The following KCNIP4 variants were observed in gnomAD, a reference collection of about 807,000 sequenced individuals.
KCNIP4 encodes potassium voltage-gated channel interacting protein 4.
A neutral mutation model predicts 34.0 loss-of-function variants in KCNIP4; 12 were observed. The ratio of observed to expected loss-of-function variants is 0.35; its 90% confidence interval spans 0.23 to 0.57. The LOEUF (loss-of-function observed/expected upper bound fraction) is 0.57. KCNIP4 is among the 20% of genes least tolerant of loss of function. KCNIP4 has a pLI of 0.83. For synonymous variants in KCNIP4, 124 were observed against 102.2 expected, an observed-to-expected ratio of 1.21 and a Z score of -1.29; for missense variants, 238 against 311.7, an observed-to-expected ratio of 0.76 and a Z score of 1.78.
At chr4:21,422,101 C>T (rs190507924) in intron 1 of KCNIP4, among the ~76,000 whole-genome samples, 78 of 152,072 alleles carry the variant, frequency 5.1e-4, no homozygotes, top group African/African-American at 1.8e-3. Flanking sequence ...TTCATAAACA[C>T]TAACTTGAAG....
intron 1 of KCNIP4, among the ~76,000 whole-genome samples, chr4:21,760,968 T>G (rs1718009528): frequency 6.6e-6 from 1 of 152,160 alleles, no homozygotes; most frequent in Non-Finnish European, 1.5e-5. Context: ...GAGTCTGATA[T>G]TTTGCTCATA....
chr4:21,255,012 T>C (rs1046639625), intron 1 of KCNIP4, among the ~76,000 whole-genome samples: 1 of 152,186 alleles, frequency 6.6e-6, no homozygotes, highest in Admixed American at 6.5e-5. Context: ...TCCAGGGCTA[T>C]TTGACTTCAG....
At chr4:21,782,713 T>C (rs895895454) in intron 1 of KCNIP4, among the ~76,000 whole-genome samples, 1 of 152,084 alleles carries the variant, frequency 6.6e-6, no homozygotes, top group African/African-American at 2.4e-5. Flanking sequence ...AACAAACTTG[T>C]ACACAATTGC....
rs759477091 is a variant in KCNIP4, at chr4:21,510,078, C to CAAAAAA, written c.61+438487_61+438492dup. Among the ~76,000 whole-genome samples the CAAAAAA allele has an allele frequency of 6.8e-3, 443 of 65,094 alleles. 5 individuals are homozygous for CAAAAAA. Among genetic ancestry groups the CAAAAAA allele is most frequent in the African/African-American group, 0.025 (419 of 16,438 alleles). 42.7% of individuals were successfully genotyped at this position (65,094 alleles called of 152,430 possible). On this transcript the variant is annotated intron_variant, in intron 1 of 8. Transcript: ENST00000382152. ...GGGCACAAGAGCAAAACTCCATCTC[C>CAAAAAA]AAAAAAAAAAAAAAAAAAAAAAGGC...
intron 2 of KCNIP4, among the ~76,000 whole-genome samples, chr4:20,860,745 T>A (rs1252813678): frequency 6.6e-6 from 1 of 152,156 alleles, no homozygotes; most frequent in Non-Finnish European, 1.5e-5. Context: ...AGAAGCTTGG[T>A]CCAGTGGTGG....
intron 1 of KCNIP4, among the ~76,000 whole-genome samples, chr4:20,926,690 C>CTGG (rs1729927024): frequency 6.6e-6 from 1 of 152,174 alleles, no homozygotes; most frequent in Non-Finnish European, 1.5e-5. Flanking sequence ...CTTTAAGGCA[C>CTGG]ACTTGTGGGG....
intron 1 of KCNIP4, among the ~76,000 whole-genome samples, chr4:21,483,631 TA>T (rs774583012): frequency 3.4e-4 from 51 of 150,432 alleles, no homozygotes; most frequent in Non-Finnish European, 5.6e-4. Flanking sequence ...CTACTAAAAA[TA>T]AAAAAAAATT....
chr4:20,970,865 G>C (rs1047237402), intron 1 of KCNIP4, among the ~76,000 whole-genome samples: 1 of 152,198 alleles, frequency 6.6e-6, no homozygotes, highest in East Asian at 1.9e-4. Context: ...ACAGGGCATT[G>C]AGGATGGAAA....
chr4:21,902,477 C>T (rs1727760619), intron 1 of KCNIP4, among the ~76,000 whole-genome samples: 1 of 151,672 alleles, frequency 6.6e-6, no homozygotes. Flanking sequence ...AGATAAGGAG[C>T]CCTTATGTAA....
intron 1 of KCNIP4, among the ~76,000 whole-genome samples, chr4:21,267,305 C>T (rs2322881): frequency 0.19 from 29,393 of 151,498 alleles, 3,871 homozygotes; most frequent in African/African-American, 0.37. Flanking sequence ...GACAATAATA[C>T]CATGGTGTTA....
chr4:20,986,202 C>T (rs980501482), intron 1 of KCNIP4, among the ~76,000 whole-genome samples: 5 of 152,140 alleles, frequency 3.3e-5, no homozygotes, highest in Admixed American at 6.5e-5. Flanking sequence ...GCGTTTTTCC[C>T]ATGAAGACCT....
At chr4:20,855,642 T>C (rs1229992808) in intron 2 of KCNIP4, among the ~76,000 whole-genome samples, 2 of 150,758 alleles carry the variant, frequency 1.3e-5, no homozygotes, top group Non-Finnish European at 2.9e-5. Context: ...TAGCATATCT[T>C]AATTATTGCC....
At chr4:21,463,524 T>C (rs1729656446) in intron 1 of KCNIP4, among the ~76,000 whole-genome samples, 2 of 151,734 alleles carry the variant, frequency 1.3e-5, no homozygotes, top group South Asian at 4.1e-4. Flanking sequence ...TGTGTTTGGT[T>C]TCTTTCACTT....
At position 21,645,189 on chromosome 4, in the gene KCNIP4, T is replaced by G. The variant is rs116162802; in HGVS notation, c.61+303382A>C. Among the ~76,000 whole-genome samples, 698 of 152,296 alleles carry G rather than the reference T, an allele frequency of 4.6e-3. 7 individuals carry two copies. The highest frequency in any genetic ancestry group is 0.025 in the South Asian group (120 of 4,830). ...AATGTGTTGCAAACATATTAATTCA[T>G]TCAATCCTGAAGACAACCATATGAG... On this transcript the variant is annotated intron_variant, in intron 1 of 8. Transcript: ENST00000382152.
At chr4:21,230,051 T>C (rs1758680383) in intron 1 of KCNIP4, among the ~76,000 whole-genome samples, 1 of 152,102 alleles carries the variant, frequency 6.6e-6, no homozygotes, top group Non-Finnish European at 1.5e-5. Context: ...GATGACCTCA[T>C]CGTAGATGAA....
intron 1 of KCNIP4, among the ~76,000 whole-genome samples, chr4:21,895,822 A>G (rs1269644445): frequency 3.9e-5 from 6 of 152,154 alleles, no homozygotes; most frequent in African/African-American, 9.6e-5. Context: ...TACTCTCCCA[A>G]TTGGTGGCCA....
intron 1 of KCNIP4, among the ~76,000 whole-genome samples, chr4:21,316,644 G>A (rs913753251): frequency 1.8e-4 from 28 of 152,182 alleles, no homozygotes; most frequent in African/African-American, 6.0e-4. Flanking sequence ...TGAAGGCTAT[G>A]TTGAGAGTCA....
chr4:21,487,252 T>C (rs1731998017), intron 1 of KCNIP4, among the ~76,000 whole-genome samples: 2 of 152,226 alleles, frequency 1.3e-5, no homozygotes, highest in Non-Finnish European at 2.9e-5. Context: ...TTTTGAGACC[T>C]CATTCGTTTT....
chr4:21,865,449 A>G (rs1725356518), intron 1 of KCNIP4, among the ~76,000 whole-genome samples: 1 of 152,192 alleles, frequency 6.6e-6, no homozygotes, highest in African/African-American at 2.4e-5. Context: ...AAGTACAAGG[A>G]AAAAGAAATC....
Sources: gnomAD v4.1 joint callset for allele counts (sites outside exome capture counted in the v4.1 genomes callset) on GRCh38, gnomAD v4.1.1 for gene constraint, MANE v1.5 for transcripts, NCBI Gene and HGNC (gene_info 2026-07-23, HGNC 2026-07-21) for gene names.